Variants in MACROD2 observed in about 807,000 individuals in gnomAD.
MACROD2 encodes the protein ADP-ribose glycohydrolase MACROD2.
MACROD2 carries 36 observed loss-of-function variants against 70.4 expected under a neutral mutation model. That is an observed-to-expected ratio of 0.51 (90% CI 0.39 to 0.68). MACROD2 has a LOEUF of 0.68. Ranked by LOEUF, MACROD2 falls within the 30% of genes least tolerant of loss-of-function variation. MACROD2 has a pLI of 0.00. For synonymous variants in MACROD2, 172 were observed against 178.8 expected, an observed-to-expected ratio of 0.96 and a Z score of 0.30; for missense variants, 496 against 538.4, an observed-to-expected ratio of 0.92 and a Z score of 0.78.
At chr20:15,049,486 A>T (rs1386274572) in intron 5 of MACROD2, among the ~76,000 whole-genome samples, 2 of 152,204 alleles carry the variant, frequency 1.3e-5, no homozygotes, top group Non-Finnish European at 2.9e-5. Context: ...CAATATATGT[A>T]TGATTTTGAT....
intron 8 of MACROD2, among the ~76,000 whole-genome samples, chr20:15,570,131 G>A (rs1284951858): frequency 1.3e-5 from 2 of 151,998 alleles, no homozygotes; most frequent in South Asian, 4.2e-4. Context: ...TTCCGTAATG[G>A]CTGTATTAAT....
chr20:14,060,576 A>G (rs1483958447), intron 2 of MACROD2, among the ~76,000 whole-genome samples: 1 of 152,190 alleles, frequency 6.6e-6, no homozygotes, highest in Admixed American at 6.5e-5. Context: ...AGGCATGCAC[A>G]GTGAAATCAT....
chr20:14,093,546 T>TA (rs781086691), intron 3 of MACROD2, among the ~76,000 whole-genome samples: 1 of 152,162 alleles, frequency 6.6e-6, no homozygotes, highest in Non-Finnish European at 1.5e-5. Flanking sequence ...AGTCACACTT[T>TA]AAAATCAGTT....
chr20:14,958,214 A>G (rs2074553955), intron 5 of MACROD2, among the ~76,000 whole-genome samples: 1 of 152,194 alleles, frequency 6.6e-6, no homozygotes, highest in African/African-American at 2.4e-5. Context: ...GGATGCAACA[A>G]ATTTATGTGG....
chr20:15,567,262 T>C (rs2048323008), intron 8 of MACROD2, among the ~76,000 whole-genome samples: 1 of 152,212 alleles, frequency 6.6e-6, no homozygotes, highest in African/African-American at 2.4e-5. Flanking sequence ...TATAAAAATA[T>C]TGTTCTCTTT....
chr20:14,083,181 C>A (rs1230770269), intron 2 of MACROD2, among the ~76,000 whole-genome samples: 1 of 150,288 alleles, frequency 6.7e-6, no homozygotes, highest in Non-Finnish European at 1.5e-5. Flanking sequence ...CTTGTAATCC[C>A]AGCACTTTGG....
chr20:14,631,628 A>AG (rs1482400878), intron 4 of MACROD2, among the ~76,000 whole-genome samples: 5 of 152,138 alleles, frequency 3.3e-5, no homozygotes, highest in Non-Finnish European at 7.4e-5. Context: ...TAAAAAAATT[A>AG]GCCAGGCATG....
chr20:14,255,726 A>AAAT (rs1568523653), intron 3 of MACROD2, among the ~76,000 whole-genome samples: 38 of 60,022 alleles, frequency 6.3e-4, no homozygotes, highest in Admixed American at 1.5e-3. Context: ...AATAAATAAA[A>AAAT]AAGAAAATGT....
Position 13,995,708 on chromosome 20 carries a change from G to C in MACROD2, c.-56G>C. ...ACCCCTCCCACTCCACACACACCCTGTTTGCCCGTGAGCCTGGGGAACTTG... is the reference window on the plus strand; with the variant it reads ...ACCCCTCCCACTCCACACACACCCTCTTTGCCCGTGAGCCTGGGGAACTTG... On this transcript the variant is annotated 5_prime_UTR_variant, in exon 1 of 18. Transcript: ENST00000684519. This position sits in a 1 kb window ranked among gnomAD's most constrained non-coding sequence, Gnocchi z 4.3. 2.8e-6 allele frequency: 4 copies of C among 1,421,090 alleles called. No individual in the cohort carries two copies. The highest frequency in any genetic ancestry group is 2.9e-6 in the Non-Finnish European group (3 of 1,026,400). 88.0% of individuals were successfully genotyped at this position (1,421,090 alleles called of 1,614,324 possible).
At chr20:14,586,644 A>G (rs1981398719) in intron 4 of MACROD2, among the ~76,000 whole-genome samples, 1 of 152,068 alleles carries the variant, frequency 6.6e-6, no homozygotes, top group Non-Finnish European at 1.5e-5. Context: ...AATACCCTTA[A>G]TTGGCACAGT....
intron 5 of MACROD2, among the ~76,000 whole-genome samples, chr20:14,738,303 T>C (rs193154510): frequency 1.3e-5 from 2 of 152,294 alleles, no homozygotes; most frequent in East Asian, 1.9e-4. Flanking sequence ...TAAAACACTC[T>C]TTCCGATCAT....
intron 8 of MACROD2, among the ~76,000 whole-genome samples, chr20:15,770,281 A>G (rs1248740406): frequency 1.3e-5 from 2 of 151,904 alleles, no homozygotes; most frequent in African/African-American, 4.8e-5. Context: ...TCTTCTGAGA[A>G]GAAAGAGATG....
At chr20:14,543,179 A>T (rs2208124) in intron 4 of MACROD2, among the ~76,000 whole-genome samples, 17,665 of 152,066 alleles carry the variant, frequency 0.12, 1,400 homozygotes, top group South Asian at 0.33. Flanking sequence ...ACCAAACCCT[A>T]TATGTATTAT....
intron 3 of MACROD2, among the ~76,000 whole-genome samples, chr20:14,186,616 A>G (rs2081346264): frequency 6.6e-6 from 1 of 152,190 alleles, no homozygotes; most frequent in Non-Finnish European, 1.5e-5. Flanking sequence ...AAACGAAACT[A>G]AATCATTCTG....
chr20:14,876,262 A>T (rs1415482830), intron 5 of MACROD2, among the ~76,000 whole-genome samples: 1 of 147,436 alleles, frequency 6.8e-6, no homozygotes, highest in South Asian at 2.2e-4. Flanking sequence ...TGGCTGCTTT[A>T]TGTCTTCTTT....
intron 4 of MACROD2, among the ~76,000 whole-genome samples, chr20:14,615,571 G>C (rs1983431850): frequency 6.6e-6 from 1 of 152,118 alleles, no homozygotes; most frequent in Admixed American, 6.6e-5. Flanking sequence ...GGAAACAATA[G>C]AGGTAATGGT....
At chr20:15,500,995 C>T (rs1234045034) in intron 8 of MACROD2, among the ~76,000 whole-genome samples, 2 of 152,238 alleles carry the variant, frequency 1.3e-5, no homozygotes, top group East Asian at 1.9e-4. Context: ...TCACAACAAC[C>T]TTATGAAATC....
chr20:15,026,026 G>T (rs1190210430), intron 5 of MACROD2, among the ~76,000 whole-genome samples: 1 of 152,184 alleles, frequency 6.6e-6, no homozygotes, highest in East Asian at 1.9e-4. Flanking sequence ...TACAAGAAGA[G>T]TATGCAACTC....
chr20:15,794,197 C>T (rs35973686), intron 8 of MACROD2, among the ~76,000 whole-genome samples: 31,346 of 151,948 alleles, frequency 0.21, 3,298 homozygotes, highest in Non-Finnish European at 0.22. Context: ...ATAACAACAA[C>T]GACAACAAAT....
Sources: gnomAD v4.1 joint callset for allele counts (sites outside exome capture counted in the v4.1 genomes callset) on GRCh38, gnomAD v4.1.1 for gene constraint, Gnocchi (gnomAD v3.1) non-coding constraint, MANE v1.5 for transcripts, NCBI Gene and HGNC (gene_info 2026-07-23, HGNC 2026-07-21) for gene names.